Variants in VAV2 observed in about 807,000 individuals in gnomAD.
VAV2 encodes vav guanine nucleotide exchange factor 2.
Under a neutral mutation model 132.5 loss-of-function variants are expected in VAV2, and 67 were observed. The observed-to-expected ratio is 0.51, with a 90% CI of 0.42 to 0.62. The LOEUF is 0.62. VAV2 is among the 20% of genes least tolerant of loss of function. The pLI is 0.00. For synonymous variants in VAV2, 492 were observed against 443.5 expected, an observed-to-expected ratio of 1.11 and a Z score of -1.37; for missense variants, 938 against 1,153.6, an observed-to-expected ratio of 0.81 and a Z score of 2.71.
Position 133,969,982 on chromosome 9 carries a change from C to T in VAV2, c.204+22093G>A, listed in dbSNP as rs1012592451. Among the ~76,000 whole-genome samples the T allele has an allele frequency of 1.1e-4, 16 of 152,264 alleles. No homozygotes were observed. The highest frequency in any genetic ancestry group is 3.9e-4 in the African/African-American group (16 of 41,538). On this transcript the variant is annotated intron_variant, in intron 1 of 29. Transcript: ENST00000371850. This position sits in a 1 kb window ranked among gnomAD's most constrained non-coding sequence, Gnocchi z 5.1. The stretch of plus-strand genomic sequence containing the variant: ...CCCTGCCTCCCTGCAGCCTTCAAGG[C>T]AGTGACTCAGAGTTCCTGCCACCCC...
intron 2 of VAV2, among the ~76,000 whole-genome samples, chr9:133,894,826 C>G (rs1839132087): frequency 6.6e-6 from 1 of 152,180 alleles, no homozygotes; most frequent in Admixed American, 6.5e-5. Flanking sequence ...GCCTGTCCCC[C>G]AGCAGGGCCT....
intron 23 of VAV2, 22 bp downstream of exon 23, chr9:133,777,367 G>A (rs41302907): frequency 5.3e-4 from 847 of 1,613,068 alleles, no homozygotes; most frequent in Non-Finnish European, 7.0e-4. Context: ...TGCTCCAGAA[G>A]CTTCTGTGGG....
intron 2 of VAV2, among the ~76,000 whole-genome samples, chr9:133,932,727 CG>C (rs1422222980): frequency 3.3e-5 from 5 of 149,532 alleles, no homozygotes; most frequent in Middle Eastern, 3.2e-3. Context: ...TGCTCTCACC[CG>C]CCTGCCTCCT....
At chr9:133,953,707 G>A (rs1052810312) in intron 1 of VAV2, among the ~76,000 whole-genome samples, 1 of 152,100 alleles carries the variant, frequency 6.6e-6, no homozygotes, top group African/African-American at 2.4e-5. Flanking sequence ...GCACAGGGTG[G>A]GGCACCTTTC....
At chr9:133,951,721 G>A (rs1841566672) in intron 1 of VAV2, among the ~76,000 whole-genome samples, 2 of 152,148 alleles carry the variant, frequency 1.3e-5, no homozygotes, top group Admixed American at 6.5e-5. Context: ...CTGGGGACAG[G>A]GCTTTTAGGC....
chr9:133,969,057 G>A lies in VAV2; in HGVS notation c.204+23018C>T, dbSNP rs1842240147. ...AAGAGACAACTGTTTTGGGTTTTGA[G>A]GCAGTTTGGCCGGGTGTCGGTGAAA... is the stretch of plus-strand genomic sequence containing the variant. On this transcript the variant is annotated intron_variant, in intron 1 of 29. Coordinates refer to ENST00000371850, the MANE Select transcript of VAV2 (RefSeq NM_001134398.2). The surrounding 1 kb of genome is among the most constrained non-coding windows in gnomAD (Gnocchi z 5.1). Among the ~76,000 whole-genome samples, 1 of 152,118 alleles carries A rather than the reference G, an allele frequency of 6.6e-6. No homozygotes were observed. Among genetic ancestry groups the A allele is most frequent in the Non-Finnish European group, 1.5e-5 (1 of 68,030 alleles).
At chr9:133,860,168 G>A (rs2131864028) in intron 3 of VAV2, among the ~76,000 whole-genome samples, 1 of 152,030 alleles carries the variant, frequency 6.6e-6, no homozygotes, top group African/African-American at 2.4e-5. Context: ...CGGGCGTGGT[G>A]GTGCGTGCCT....
At chr9:133,908,865 G>A (rs1000995512) in intron 2 of VAV2, among the ~76,000 whole-genome samples, 1 of 152,220 alleles carries the variant, frequency 6.6e-6, no homozygotes, top group Admixed American at 6.5e-5. Context: ...AATGTGTGGG[G>A]ACCCAGGCAC....
chr9:133,795,492 C>T (rs1834672127), intron 12 of VAV2, among the ~76,000 whole-genome samples, 176 bp downstream of exon 12: 1 of 152,182 alleles, frequency 6.6e-6, no homozygotes, highest in South Asian at 2.1e-4. Flanking sequence ...CTCCACCCGT[C>T]ACCTCTACCT....
In VAV2 at chr9:133,991,422, G is replaced by C. The variant is rs1843012662; in HGVS notation, c.204+653C>G. Reference sequence around the variant, plus strand: ...AAGGAGGGGTGGGGGTGTTGGGAAAGCGATGGGGGCCAGGACTGGGGCCAA... The same window carrying C: ...AAGGAGGGGTGGGGGTGTTGGGAAACCGATGGGGGCCAGGACTGGGGCCAA... On this transcript the variant is annotated intron_variant, in intron 1 of 29. Coordinates refer to ENST00000371850, the MANE Select transcript of VAV2 (RefSeq NM_001134398.2). The surrounding 1 kb of genome is among the most constrained non-coding windows in gnomAD (Gnocchi z 4.8). Among the ~76,000 whole-genome samples the C allele has an allele frequency of 6.6e-6, 1 of 152,228 alleles. No homozygotes were observed. The highest frequency in any genetic ancestry group is 6.5e-5 in the Admixed American group (1 of 15,290).
At chr9:133,858,343 G>C (rs1448214190) in intron 3 of VAV2, among the ~76,000 whole-genome samples, 5 of 152,186 alleles carry the variant, frequency 3.3e-5, no homozygotes, top group Admixed American at 3.3e-4. Context: ...CGCACTCCAG[G>C]GCTTGGGTGG....
At chr9:133,971,255 G>A (rs542234586) in intron 1 of VAV2, among the ~76,000 whole-genome samples, 1 of 152,296 alleles carries the variant, frequency 6.6e-6, no homozygotes, top group Non-Finnish European at 1.5e-5. Flanking sequence ...CCCTCTGGGG[G>A]TCAGACCCAC....
At chr9:133,845,127 T>C (rs940295675) in intron 3 of VAV2, among the ~76,000 whole-genome samples, 2 of 152,198 alleles carry the variant, frequency 1.3e-5, no homozygotes, top group African/African-American at 4.8e-5. Context: ...AGTCGCCGGA[T>C]CACACAAGCC....
In VAV2 at chr9:133,768,507, C is replaced by T. The variant is rs145738821; in HGVS notation, c.2524G>A (p.Val842Met). Residue 842 changes from valine to methionine, a missense_variant, in exon 29 of 30, where the codon GTG becomes ATG. By Grantham distance (21) the Val-to-Met change is conservative. Transcript: ENST00000371850. This position sits in a 1 kb window ranked among gnomAD's most constrained non-coding sequence, Gnocchi z 5.3. ...MRELSLREGDVVRIYSRIGGD... is the reference protein window; with the variant it reads ...MRELSLREGDMVRIYSRIGGD... ...CCGATGCGGCTGTAGATCCTCACCA[C>T]GTCACCCTCCCGCAGCGAAAGCTCC... 1.6e-5 allele frequency: 26 copies of T among 1,613,904 alleles called. No individual in the cohort carries two copies. Among genetic ancestry groups the T allele is most frequent in the African/African-American group, 8.0e-5 (6 of 74,908 alleles).
intron 1 of VAV2, among the ~76,000 whole-genome samples, chr9:133,980,136 G>C (rs57274418): frequency 6.6e-6 from 1 of 152,160 alleles, no homozygotes. Flanking sequence ...GTCAGCCCTG[G>C]GGCCATCTCT....
At chr9:133,786,287 C>G (rs145588673) in intron 16 of VAV2, among the ~76,000 whole-genome samples, 1 of 152,332 alleles carries the variant, frequency 6.6e-6, no homozygotes, top group East Asian at 1.9e-4. Context: ...TGTATCTGTC[C>G]CTGCAGGTAC....
intron 4 of VAV2, among the ~76,000 whole-genome samples, chr9:133,821,382 CTT>C (rs1023197157): frequency 2.7e-4 from 41 of 152,324 alleles, no homozygotes; most frequent in Non-Finnish European, 5.3e-4. Context: ...CTAGGGTTGT[CTT>C]TGTAGCCCTT....
intron 2 of VAV2, among the ~76,000 whole-genome samples, chr9:133,907,958 G>A (rs554626437): frequency 4.6e-4 from 61 of 131,716 alleles, no homozygotes; most frequent in Middle Eastern, 4.2e-3. Context: ...CCCAGAGAGT[G>A]GAGGGTCTGA....
intron 2 of VAV2, among the ~76,000 whole-genome samples, chr9:133,904,226 T>C (rs2519996): frequency 0.86 from 130,508 of 152,214 alleles, 56,815 homozygotes; most frequent in Non-Finnish European, 0.93. Context: ...AGGGAACCAC[T>C]CTGCCACACA....
Sources: gnomAD v4.1 joint callset for allele counts (sites outside exome capture counted in the v4.1 genomes callset) on GRCh38, gnomAD v4.1.1 for gene constraint, Gnocchi (gnomAD v3.1) non-coding constraint, MANE v1.5 for transcripts, NCBI Gene and HGNC (gene_info 2026-07-23, HGNC 2026-07-21) for gene names.